Variants in ATP9B observed in about 807,000 individuals in gnomAD.
The protein encoded by ATP9B is probable phospholipid-transporting ATPase IIB.
In ATP9B, 110 loss-of-function variants were observed where a neutral mutation model predicts 146.1. The ratio of observed to expected loss-of-function variants is 0.75; its 90% CI spans 0.65 to 0.88. The LOEUF is 0.88. Ranked by LOEUF, ATP9B falls within the 40% of genes least tolerant of loss-of-function variation. The pLI is 0.00. For synonymous variants in ATP9B, 604 were observed against 569.7 expected (o/e 1.06, Z -0.86); for missense variants, 1,499 against 1,496.4 (o/e 1.00, Z -0.03).
At chr18:79,217,126 A>T (rs2095634540) in intron 11 of ATP9B, among the ~76,000 whole-genome samples, 1 of 152,242 alleles carries the variant, frequency 6.6e-6, no homozygotes, top group Admixed American at 6.5e-5. Flanking sequence ...AGCGCTGCTG[A>T]TAGTGAAGCT....
Position 79,143,800 on chromosome 18 carries a change from A to G in ATP9B, c.668-2A>G. 6.4e-7 allele frequency: 1 copy of G among 1,566,486 alleles called. No individual in the cohort carries two copies. On this transcript the variant is annotated splice_acceptor_variant, in intron 5 of 29. Transcript: ENST00000426216. LOFTEE classifies it high-confidence loss of function. The stretch of plus-strand genomic sequence containing the variant: ...GTTGACTGTACTTCTTCTTTTTTTA[A>G]GGTAAAGTGCAAGTTAAGAGTTCAG...
At chr18:79,132,458 C>G (rs191176366) in intron 5 of ATP9B, among the ~76,000 whole-genome samples, 21 of 152,208 alleles carry the variant, frequency 1.4e-4, no homozygotes, top group African/African-American at 4.6e-4. Flanking sequence ...AATAGTTTGC[C>G]CTGAGCCACA....
intron 13 of ATP9B, among the ~76,000 whole-genome samples, chr18:79,292,583 C>T (rs2096516439): frequency 6.6e-6 from 1 of 151,360 alleles, no homozygotes; most frequent in African/African-American, 2.4e-5. Flanking sequence ...CTGAAATTCA[C>T]ATGGAGATAC....
intron 6 of ATP9B, 189 bp downstream of exon 6, chr18:79,144,049 A>C: frequency 2.4e-6 from 1 of 422,996 alleles, no homozygotes; most frequent in South Asian, 5.9e-5. Flanking sequence ...AGTATATTTC[A>C]GTGTGTGCAG....
intron 15 of ATP9B, among the ~76,000 whole-genome samples, chr18:79,318,161 A>G (rs990866511): frequency 1.3e-5 from 2 of 152,270 alleles, no homozygotes; most frequent in Non-Finnish European, 2.9e-5. Flanking sequence ...GTATGTAGCT[A>G]CTGAACCCGC....
At position 79,069,438 on chromosome 18, in the gene ATP9B, G is replaced by A. The variant is rs1430123096; in HGVS notation, c.28G>A (p.Val10Met). The change falls in exon 1 of 30, where the codon GTG (valine) becomes ATG (methionine). Residue 10 changes from valine (V) to methionine (M), a missense_variant. By Grantham distance (21) the Val-to-Met change is conservative. Coordinates refer to ENST00000426216, the MANE Select transcript of ATP9B (RefSeq NM_198531.5). Reference sequence around the variant, plus strand: ...GGCGGACCAGATCCCGCTTTACCCGGTGCGTAGCGCAGCGGCGGCCGCAGC... The same window carrying A: ...GGCGGACCAGATCCCGCTTTACCCGATGCGTAGCGCAGCGGCGGCCGCAGC... MADQIPLYP[V>M]RSAAAAAANR... 1.3e-6 allele frequency: 2 copies of A among 1,521,538 alleles called. No homozygotes were observed. The highest frequency in any genetic ancestry group is 8.8e-7 in the Non-Finnish European group (1 of 1,138,396). 94.3% of individuals were successfully genotyped at this position (1,521,538 alleles called of 1,614,324 possible).
At chr18:79,171,878 G>GTTTTTT (rs144146479) in intron 7 of ATP9B, among the ~76,000 whole-genome samples, 11 of 146,690 alleles carry the variant, frequency 7.5e-5, no homozygotes, top group African/African-American at 2.8e-4. Flanking sequence ...TCGGAGACTC[G>GTTTTTT]TTTTTTTTTG....
At chr18:79,267,163 A>G (rs1162190630) in intron 12 of ATP9B, among the ~76,000 whole-genome samples, 3 of 152,068 alleles carry the variant, frequency 2.0e-5, no homozygotes, top group Non-Finnish European at 4.4e-5. Context: ...TATAGTTTTC[A>G]ATTCGTAATC....
At chr18:79,295,635 A>C (rs1029550302) in intron 13 of ATP9B, among the ~76,000 whole-genome samples, 1 of 152,286 alleles carries the variant, frequency 6.6e-6, no homozygotes, top group Non-Finnish European at 1.5e-5. Context: ...TGTTTCTGAC[A>C]GCAGATACGT....
At chr18:79,281,771 C>T (rs1009273901) in intron 13 of ATP9B, among the ~76,000 whole-genome samples, 5 of 152,144 alleles carry the variant, frequency 3.3e-5, no homozygotes, top group African/African-American at 7.2e-5. Context: ...TGCCAGTAAT[C>T]CCAGCACTTT....
chr18:79,134,101 C>T (rs1341020269), intron 5 of ATP9B, among the ~76,000 whole-genome samples: 1 of 152,222 alleles, frequency 6.6e-6, no homozygotes, highest in East Asian at 1.9e-4. Flanking sequence ...GCTCTGGCCA[C>T]CTGCTCCAGC....
At chr18:79,115,411 A>G (rs1214702299) in intron 4 of ATP9B, 3 of 139,002 alleles carry the variant, frequency 2.2e-5, no homozygotes, top group Non-Finnish European at 4.6e-5. Flanking sequence ...ACAGAATTGG[A>G]AAAAACTACT....
At chr18:79,222,760 A>G (rs1432799804) in intron 11 of ATP9B, among the ~76,000 whole-genome samples, 1 of 151,632 alleles carries the variant, frequency 6.6e-6, no homozygotes, top group African/African-American at 2.4e-5. Context: ...AGACTAAACA[A>G]AAGTTTTTAT....
At chr18:79,127,243 T>G (rs564229098) in intron 5 of ATP9B, among the ~76,000 whole-genome samples, 1 of 152,312 alleles carries the variant, frequency 6.6e-6, no homozygotes, top group Non-Finnish European at 1.5e-5. Flanking sequence ...AATTCAGTGT[T>G]TTTGGTGTAT....
At chr18:79,143,218 A>T in intron 5 of ATP9B, among the ~76,000 whole-genome samples, 1 of 152,372 alleles carries the variant, frequency 6.6e-6, no homozygotes, top group Non-Finnish European at 1.5e-5. Context: ...ATTTAAGTAT[A>T]TATGAAACTT....
intron 13 of ATP9B, among the ~76,000 whole-genome samples, chr18:79,285,534 T>C (rs566606436): frequency 4.9e-4 from 74 of 152,222 alleles, no homozygotes; most frequent in Middle Eastern, 3.4e-3. Flanking sequence ...GTCAGATGAG[T>C]AGGTTGTGAA....
Position 79,336,637 on chromosome 18 carries a change from A to T in ATP9B, c.2038A>T (p.Met680Leu). The T allele has an allele frequency of 6.2e-7, 1 of 1,607,070 alleles. No individual in the cohort carries two copies. Among genetic ancestry groups the T allele is most frequent in the East Asian group, 2.3e-5 (1 of 44,268 alleles). ...NDWLEEECGN[M>L]AREGLRTLVV... ...GCCTCTCCTTTTCCAGTGCGGAAACATGGCTCGCGAAGGACTGCGGACCCT... is the reference window on the plus strand; with the variant it reads ...GCCTCTCCTTTTCCAGTGCGGAAACTTGGCTCGCGAAGGACTGCGGACCCT... The change falls in exon 18 of 30, where the codon ATG becomes TTG. Residue 680 changes from methionine (M) to leucine (L), a missense_variant. Transcript: ENST00000426216.
At chr18:79,356,412 C>A (rs1020903151) in intron 25 of ATP9B, among the ~76,000 whole-genome samples, 2 of 152,208 alleles carry the variant, frequency 1.3e-5, no homozygotes, top group Non-Finnish European at 2.9e-5. Flanking sequence ...TAAATGGAAA[C>A]TTCACCAAAA....
At chr18:79,214,189 C>T in intron 11 of ATP9B, 151 bp downstream of exon 11, 1 of 470,850 alleles carries the variant, frequency 2.1e-6, no homozygotes, top group Non-Finnish European at 3.6e-6. Flanking sequence ...TATGAATTCT[C>T]CGTATTTATA....
Sources: allele counts gnomAD v4.1 joint callset (sites outside exome capture counted in the v4.1 genomes callset), GRCh38; gene constraint gnomAD v4.1.1; transcripts MANE v1.5; gene names NCBI Gene and HGNC (gene_info 2026-07-23, HGNC 2026-07-21).